NKAIN3: variants seen among roughly 807,000 people sequenced by gnomAD.
NKAIN3 encodes the protein sodium/potassium transporting ATPase interacting 3.
In NKAIN3, 25 loss-of-function variants were observed where a neutral mutation model predicts 30.2. The observed-to-expected ratio is 0.83, with a 90% CI of 0.60 to 1.16. NKAIN3 has a LOEUF of 1.16. NKAIN3 is among the 50% of genes most tolerant of loss of function. The pLI is 0.00. For missense variants in NKAIN3, 225 were observed against 254.1 expected, an observed-to-expected ratio of 0.89 and a Z score of 0.78; for synonymous variants, 91 against 89.6, an observed-to-expected ratio of 1.02 and a Z score of -0.09.
chr8:62,525,748 G>C (rs554244499), intron 1 of NKAIN3, among the ~76,000 whole-genome samples: 1 of 152,014 alleles, frequency 6.6e-6, no homozygotes, highest in African/African-American at 2.4e-5. Context: ...CCCCAACTTC[G>C]TTACATGAAA....
intron 1 of NKAIN3, among the ~76,000 whole-genome samples, chr8:62,510,774 T>A (rs1361392041): frequency 6.6e-6 from 1 of 152,154 alleles, no homozygotes; most frequent in Non-Finnish European, 1.5e-5. Flanking sequence ...GATCATATTA[T>A]GGGTAAACTG....
downstream of NKAIN3, among the ~76,000 whole-genome samples, chr8:62,986,809 A>G (rs1824208585): frequency 6.6e-6 from 1 of 152,160 alleles, no homozygotes; most frequent in African/African-American, 2.4e-5. Context: ...GCCGTGTTTT[A>G]TCACCCTGCT....
rs551791968 is a variant in NKAIN3, at chr8:62,484,166, C to T, written c.55-95373C>T. Among the ~76,000 whole-genome samples, 5 of 152,296 alleles carry T rather than the reference C, an allele frequency of 3.3e-5. No individual in the cohort carries two copies. In the South Asian group the frequency reaches 6.2e-4, roughly 19 times the overall value. ...CATTCATGGCCCTCTCTGATGGGTT[C>T]CTCCTGTTTTCCTCACTGGACTCAT... On this transcript the variant is annotated intron_variant, in intron 1 of 6. Transcript: ENST00000623646.
chr8:62,839,840 A>C (rs12680865), intron 4 of NKAIN3, among the ~76,000 whole-genome samples: 121,140 of 151,866 alleles, frequency 0.8, 48,736 homozygotes, highest in South Asian at 0.88. Context: ...TCTCGAACTC[A>C]GGCCTCAAGC....
At chr8:62,561,606 C>A (rs908569504) in intron 1 of NKAIN3, among the ~76,000 whole-genome samples, 6 of 152,102 alleles carry the variant, frequency 3.9e-5, no homozygotes, top group Admixed American at 2.0e-4. Context: ...CCAATAATCA[C>A]TAGTTGTGTT....
At chr8:62,996,039 G>T (rs1400510961) in intron 5 of NKAIN3, among the ~76,000 whole-genome samples, 1 of 152,144 alleles carries the variant, frequency 6.6e-6, no homozygotes, top group Non-Finnish European at 1.5e-5. Context: ...TGATAACTAG[G>T]TTGACCTATG....
intron 5 of NKAIN3, among the ~76,000 whole-genome samples, chr8:62,926,362 GCTCTGCCAGC>G (rs1192435810): frequency 3.3e-5 from 5 of 152,106 alleles, no homozygotes; most frequent in African/African-American, 1.2e-4. Context: ...CACAAAGCTG[GCTCTGCCAGC>G]CCCCCTGTGG....
At chr8:62,489,544 C>G (rs1254114389) in intron 1 of NKAIN3, among the ~76,000 whole-genome samples, 1 of 151,902 alleles carries the variant, frequency 6.6e-6, no homozygotes, top group Non-Finnish European at 1.5e-5. Flanking sequence ...TCTGGGTAAC[C>G]AAGATTTTTT....
intron 3 of NKAIN3, among the ~76,000 whole-genome samples, chr8:62,664,352 C>G (rs746086859): frequency 2.6e-5 from 4 of 152,156 alleles, no homozygotes; most frequent in Non-Finnish European, 5.9e-5. Context: ...GACCCACCAT[C>G]TGAATTTCCT....
intron 1 of NKAIN3, among the ~76,000 whole-genome samples, chr8:62,364,847 A>AAAAAAAAAAAAAC (rs1816686619): frequency 6.6e-6 from 1 of 151,144 alleles, no homozygotes; most frequent in Admixed American, 6.6e-5. Context: ...AAAAAAAAAA[A>AAAAAAAAAAAAAC]AAAATCATCT....
At position 62,972,266 on chromosome 8, in the gene NKAIN3, T is replaced by C. The variant is rs571221439; in HGVS notation, c.*6859T>C. Among the ~76,000 whole-genome samples, 4 of 152,260 alleles carry C rather than the reference T, an allele frequency of 2.6e-5. No homozygotes were observed. Among genetic ancestry groups the C allele is most frequent in the African/African-American group, 7.2e-5 (3 of 41,538 alleles). On this transcript the variant is annotated 3_prime_UTR_variant, in exon 7 of 7. Coordinates refer to ENST00000623646, the MANE Select transcript of NKAIN3 (RefSeq NM_001304533.3). ...CTGTTTTTCCCTTCATCTCTTTTTC[T>C]TCAAGAACATAATATCGGCTGAAGT...
intron 4 of NKAIN3, among the ~76,000 whole-genome samples, chr8:62,867,980 A>G (rs1820478650): frequency 6.6e-6 from 1 of 152,240 alleles, no homozygotes; most frequent in African/African-American, 2.4e-5. Context: ...GCTTTAAAAC[A>G]TATCAGCAAA....
In NKAIN3 at chr8:62,970,027, T is replaced by C. The variant is rs1210706245; in HGVS notation, c.*4620T>C. ...TTGGGCAAAATAGTGAGACCGTATC[T>C]CTACAAAAACAAACAAATAAACAAA... is the stretch of plus-strand genomic sequence containing the variant. On this transcript the variant is annotated 3_prime_UTR_variant, in exon 7 of 7. Transcript: ENST00000623646. Among the ~76,000 whole-genome samples the C allele has an allele frequency of 6.6e-6, 1 of 151,774 alleles. No individual in the cohort carries two copies. Among genetic ancestry groups the C allele is most frequent in the African/African-American group, 2.4e-5 (1 of 41,304 alleles).
chr8:62,332,136 A>T (rs1815377696), intron 1 of NKAIN3, among the ~76,000 whole-genome samples: 1 of 152,152 alleles, frequency 6.6e-6, no homozygotes, highest in South Asian at 2.1e-4. Flanking sequence ...TTGAAAAGGG[A>T]ACGTGTGAAA....
intron 1 of NKAIN3, among the ~76,000 whole-genome samples, chr8:62,300,243 C>G (rs1813997621): frequency 6.6e-6 from 1 of 152,050 alleles, no homozygotes; most frequent in South Asian, 2.1e-4. Flanking sequence ...TCACAATCAT[C>G]TGAAACCTAA....
intron 4 of NKAIN3, among the ~76,000 whole-genome samples, chr8:62,882,843 A>G (rs116446835): frequency 0.023 from 3,446 of 152,238 alleles, 126 homozygotes; most frequent in African/African-American, 0.079. Flanking sequence ...CTCCTTTATC[A>G]AAGATCAGTT....
chr8:62,416,585 G>A (rs1048394902), intron 1 of NKAIN3, among the ~76,000 whole-genome samples: 1 of 152,122 alleles, frequency 6.6e-6, no homozygotes, highest in Non-Finnish European at 1.5e-5. Flanking sequence ...TTTGATACAG[G>A]CATGTAATGC....
chr8:62,986,377 C>T (rs1181944454), downstream of NKAIN3, among the ~76,000 whole-genome samples: 2 of 152,116 alleles, frequency 1.3e-5, no homozygotes, highest in Admixed American at 6.6e-5. Context: ...AAACTGCATG[C>T]TTTTTACAAG....
intron 1 of NKAIN3, among the ~76,000 whole-genome samples, chr8:62,508,909 T>A (rs1807729300): frequency 1.5e-5 from 2 of 131,916 alleles, no homozygotes; most frequent in African/African-American, 3.1e-5. Flanking sequence ...CAACTCATGC[T>A]CCTCGCAATT....
Sources: gnomAD v4.1 joint callset for allele counts (sites outside exome capture counted in the v4.1 genomes callset) on GRCh38, gnomAD v4.1.1 for gene constraint, MANE v1.5 for transcripts, NCBI Gene and HGNC (gene_info 2026-07-23, HGNC 2026-07-21) for gene names.